TOX2: variants seen among roughly 807,000 people sequenced by gnomAD.
The protein encoded by TOX2 is granulosa cell HMG box 1.
Under a neutral mutation model 47.4 loss-of-function variants are expected in TOX2, and 15 were observed. The observed-to-expected ratio is 0.32, with a 90% confidence interval of 0.21 to 0.49. The LOEUF (loss-of-function observed/expected upper bound fraction) is 0.49. Ranked by LOEUF, TOX2 falls within the 20% of genes least tolerant of loss-of-function variation. The probability of loss-of-function intolerance (pLI) is 0.99; values close to 1 mark genes in which losing one functional copy is unlikely to be tolerated. For missense variants in TOX2, 622 were observed against 673.1 expected (o/e 0.92, Z 0.84); for synonymous variants, 290 against 296.6 (o/e 0.98, Z 0.23).
chr20:44,068,984 C>CCCGGCCCCAGCT lies in TOX2; in HGVS notation c.*301_*312dup, dbSNP rs1486100854. 2.6e-5 allele frequency: 14 copies of CCCGGCCCCAGCT among 530,662 alleles called. No homozygotes were observed. The highest frequency in any genetic ancestry group is 3.3e-5 in the Non-Finnish European group (9 of 275,154). 32.9% of individuals were successfully genotyped at this position (530,662 alleles called of 1,614,324 possible). On this transcript the variant is annotated 3_prime_UTR_variant, in exon 9 of 9. Transcript: ENST00000341197. ...GCGCACGGTACCCTATGTCTGGACA[C>CCCGGCCCCAGCT]CCGGCCCCAGCTCCAGCCCCAGCCC...
intron 3 of TOX2, among the ~76,000 whole-genome samples, chr20:44,021,945 T>G (rs1488991902): frequency 2.0e-5 from 3 of 152,150 alleles, no homozygotes; most frequent in Non-Finnish European, 4.4e-5. Context: ...CTAACTGACT[T>G]TGATCACACT....
chr20:44,000,127 G>A (rs922023352), intron 2 of TOX2, among the ~76,000 whole-genome samples: 1 of 152,330 alleles, frequency 6.6e-6, no homozygotes, highest in East Asian at 1.9e-4. Flanking sequence ...ACGTGGGACT[G>A]GGGAGAGCAA....
intron 1 of TOX2, among the ~76,000 whole-genome samples, chr20:43,929,193 G>GA (rs886499371): frequency 2.6e-5 from 4 of 151,790 alleles, no homozygotes; most frequent in African/African-American, 4.8e-5. Flanking sequence ...CAAAAACAGG[G>GA]AAAAAAACCC....
At position 43,949,171 on chromosome 20, in the gene TOX2, A is replaced by G. The variant is rs375638292; in HGVS notation, c.100-24196A>G. 3.3e-5 allele frequency among the ~76,000 whole-genome samples: 5 copies of G among 152,064 alleles called. 1 individual carries two copies. Among genetic ancestry groups the G allele is most frequent in the African/African-American group, 1.2e-4 (5 of 41,466 alleles). The stretch of plus-strand genomic sequence containing the variant: ...GCCCACTTTTTATATATGACTGTCC[A>G]CCCCTCGGCTTAGGCCACAAATGTG... On this transcript the variant is annotated intron_variant, in intron 1 of 8. Coordinates refer to ENST00000341197, the MANE Select transcript of TOX2 (RefSeq NM_001098797.2).
intron 1 of TOX2, among the ~76,000 whole-genome samples, chr20:43,950,230 C>T (rs1014232735): frequency 4.3e-4 from 65 of 152,250 alleles, no homozygotes; most frequent in Non-Finnish European, 8.8e-5. Context: ...TAGCAGCCAT[C>T]GGGGCAACCT....
intron 4 of TOX2, among the ~76,000 whole-genome samples, chr20:44,052,943 A>AT (rs901537848): frequency 9.2e-5 from 14 of 152,288 alleles, no homozygotes; most frequent in African/African-American, 3.4e-4. Context: ...TGGGGCTTGG[A>AT]GAAGGGAGTA....
chr20:44,009,705 G>A (rs59281074), intron 3 of TOX2, among the ~76,000 whole-genome samples: 1 of 152,208 alleles, frequency 6.6e-6, no homozygotes, highest in Non-Finnish European at 1.5e-5. Flanking sequence ...TGCTTGTACC[G>A]TACTTGCTTA....
At chr20:43,961,736 C>G (rs1235655220) in intron 1 of TOX2, among the ~76,000 whole-genome samples, 2 of 152,062 alleles carry the variant, frequency 1.3e-5, no homozygotes, top group Admixed American at 6.6e-5. Context: ...CTGGAGAGGT[C>G]CATGGGCCTG....
At chr20:43,941,692 T>C (rs1344795087) in intron 1 of TOX2, among the ~76,000 whole-genome samples, 1 of 152,164 alleles carries the variant, frequency 6.6e-6, no homozygotes, top group Admixed American at 6.5e-5. Flanking sequence ...GTGTTTTCTA[T>C]TGACTTAAGG....
intron 5 of TOX2, among the ~76,000 whole-genome samples, chr20:44,055,556 C>T (rs2071601680): frequency 6.6e-6 from 1 of 152,082 alleles, no homozygotes. Context: ...GGGGCCAGAC[C>T]ACGCTGGGCT....
intron 8 of TOX2, 71 bp downstream of exon 8, chr20:44,066,928 G>C: frequency 6.4e-7 from 1 of 1,559,800 alleles, no homozygotes; most frequent in South Asian, 1.2e-5. Context: ...CCAGGGATGG[G>C]AGAATGGCCA....
At chr20:44,013,578 A>G (rs2070819745) in intron 3 of TOX2, among the ~76,000 whole-genome samples, 1 of 152,234 alleles carries the variant, frequency 6.6e-6, no homozygotes, top group South Asian at 2.1e-4. Flanking sequence ...GAATGTATCA[A>G]TTAGCTTTTG....
intron 3 of TOX2, among the ~76,000 whole-genome samples, chr20:44,050,586 A>T (rs2071491296): frequency 6.6e-6 from 1 of 152,248 alleles, no homozygotes. Context: ...AAATGCTTAT[A>T]TGTAAAACCA....
intron 2 of TOX2, among the ~76,000 whole-genome samples, chr20:43,986,808 G>A (rs1304192402): frequency 1.4e-4 from 21 of 152,126 alleles, no homozygotes; most frequent in Admixed American, 1.3e-3. Context: ...GCTCATGCCT[G>A]TAATCCTAGC....
At chr20:44,008,870 G>A (rs1600731772) in intron 3 of TOX2, among the ~76,000 whole-genome samples, 1 of 152,222 alleles carries the variant, frequency 6.6e-6, no homozygotes, top group African/African-American at 2.4e-5. Flanking sequence ...CCCCACCAGT[G>A]TCACAAGGCC....
At chr20:44,032,368 G>C (rs1325760733) in intron 3 of TOX2, among the ~76,000 whole-genome samples, 1 of 152,224 alleles carries the variant, frequency 6.6e-6, no homozygotes, top group Non-Finnish European at 1.5e-5. Context: ...CAGATGCCAG[G>C]AGCGTCCCCG....
At chr20:44,053,495 TACAG>T (rs1485054650) in intron 4 of TOX2, among the ~76,000 whole-genome samples, 8 of 147,766 alleles carry the variant, frequency 5.4e-5, no homozygotes, top group African/African-American at 2.0e-4. Context: ...CACATATATA[TACAG>T]ACATATATAT....
intron 1 of TOX2, among the ~76,000 whole-genome samples, chr20:43,961,341 A>C (rs763831180): frequency 6.6e-6 from 1 of 152,092 alleles, no homozygotes; most frequent in Non-Finnish European, 1.5e-5. Context: ...TGGGCGCGTG[A>C]TGGGTGGGAG....
At chr20:43,981,194 C>T (rs1367604504) in intron 2 of TOX2, among the ~76,000 whole-genome samples, 1 of 152,162 alleles carries the variant, frequency 6.6e-6, no homozygotes, top group Non-Finnish European at 1.5e-5. Flanking sequence ...TATGGGGAAA[C>T]AGGTACTTTA....
Sources: gnomAD v4.1 joint callset for allele counts (sites outside exome capture counted in the v4.1 genomes callset) on GRCh38, gnomAD v4.1.1 for gene constraint, MANE v1.5 for transcripts, NCBI Gene and HGNC (gene_info 2026-07-23, HGNC 2026-07-21) for gene names.